The following TEX13D variants were observed in gnomAD, a reference collection of about 807,000 sequenced individuals.
TEX13D encodes testis-expressed protein 13D.
For missense variants in TEX13D, 261 were observed against 265.8 expected (o/e 0.98, Z 0.12); for synonymous variants, 115 against 104.5 (o/e 1.10, Z -0.61).
chrX:124,332,892 A>G lies in TEX13D; in HGVS notation c.-26A>G. 2.9e-6 allele frequency: 1 copy of G among 347,362 alleles called. No homozygotes were observed. Among genetic ancestry groups the G allele is most frequent in the Non-Finnish European group, 5.0e-6 (1 of 200,098 alleles). The allele number at this position is 347,362 out of a possible 1,213,427, so 28.6% of individuals were successfully genotyped here. A position where few individuals can be genotyped will look rare whatever the true frequency, so the allele number is the denominator to read the frequency against. On this transcript the variant is annotated 5_prime_UTR_variant, in exon 1 of 1. Transcript: ENST00000632372. ...CAGCTGAGGCGACGCACCGTGAGGC[A>G]GCTGCTTGACTAGGCCACAGCCGCC...
rs2059970573 is a variant in TEX13D at position 124,334,908 on chromosome X, C to T, written c.1991C>T (p.Ser664Leu). 6.4e-6 allele frequency: 6 copies of T among 938,842 alleles called. No individual in the cohort carries two copies. Among genetic ancestry groups the T allele is most frequent in the Non-Finnish European group, 1.3e-6 (1 of 756,450 alleles). 77.4% of individuals were successfully genotyped at this position (938,842 alleles called of 1,213,427 possible). A position where few individuals can be genotyped will look rare whatever the true frequency, so the allele number is the denominator to read the frequency against. ...AAGAAACCAAAAGTGAATAAAGTCT[C>T]GGGATCCCAGCAGCAGGAGAAGCCT... ...KAKKPKVNKV[S>L]GSQQQEKPAS... Residue 664 changes from serine (S) to leucine (L), a missense_variant, in exon 1 of 1, where the codon TCG (serine) becomes TTG (leucine). Ser to Leu is a moderately radical substitution (Grantham distance 145). Transcript: ENST00000632372.
Position 124,335,033 on chromosome X carries a change from C to T in TEX13D, c.2116C>T (p.Pro706Ser). 1 of 937,826 alleles carries T rather than the reference C, an allele frequency of 1.1e-6. No homozygotes were observed. The allele number at this position is 937,826 out of a possible 1,213,427, so 77.3% of individuals were successfully genotyped here. A position where few individuals can be genotyped will look rare whatever the true frequency, so the allele number is the denominator to read the frequency against. ...ACYKCKKACV[P>S]FESGGQTQ ...CTATAAATGCAAGAAAGCCTGTGTG[C>T]CATTTGAGAGTGGAGGACAAACTCA... is the stretch of plus-strand genomic sequence containing the variant. Residue 706 changes from proline (P) to serine (S), a missense_variant, in exon 1 of 1, where the codon CCA becomes TCA. Coordinates refer to ENST00000632372, the MANE Select transcript of TEX13D (RefSeq NM_001355534.2).
Position 124,334,034 on chromosome X carries a change from C to T in TEX13D, c.1117C>T (p.Gln373Ter). The T allele has an allele frequency of 1.1e-6, 1 of 936,415 alleles. No homozygotes were observed. The highest frequency in any genetic ancestry group is 1.3e-6 in the Non-Finnish European group (1 of 755,439). 77.2% of individuals were successfully genotyped at this position (936,415 alleles called of 1,213,427 possible). A position where few individuals can be genotyped will look rare whatever the true frequency, so the allele number is the denominator to read the frequency against. ...DPLGNRERQN[Q>*]KEGPKRARRM... ...CCTGGGGAACAGAGAGAGACAAAAT[C>T]AGAAAGAAGGTCCAAAGAGGGCCCG... is the stretch of plus-strand genomic sequence containing the variant. The change falls in exon 1 of 1, where the codon CAG (glutamine) becomes TAG (stop). Residue 373 changes from glutamine (Q) to a stop codon, truncating the protein, a stop_gained. Transcript: ENST00000632372. LOFTEE classifies it low-confidence loss of function (END_TRUNC).
rs2059964684 is a variant in TEX13D, at chrX:124,333,022, C to T, written c.105C>T (p.Tyr35=). The T allele has an allele frequency of 4.1e-6, 2 of 485,598 alleles. No individual in the cohort carries two copies. Among genetic ancestry groups the T allele is most frequent in the South Asian group, 5.7e-5 (2 of 35,205 alleles). 40.0% of individuals were successfully genotyped at this position (485,598 alleles called of 1,213,427 possible). Residue 35 remains tyrosine, a synonymous_variant, in exon 1 of 1, where the codon TAC becomes TAT. Coordinates refer to ENST00000632372, the MANE Select transcript of TEX13D (RefSeq NM_001355534.2). ...VLMDGSGPAF[Y]VAFRSRPWNE... Reference sequence around the variant, plus strand: ...TGGACGGCAGCGGCCCAGCCTTTTACGTGGCCTTCCGCTCGCGGCCGTGGA... The same window carrying T: ...TGGACGGCAGCGGCCCAGCCTTTTATGTGGCCTTCCGCTCGCGGCCGTGGA...
Position 124,333,074 on chromosome X carries a change from ATTG to A in TEX13D, c.159_161del (p.Ile53_Val54delinsMet), listed in dbSNP as rs768573831. On this transcript the variant is annotated inframe_deletion, in exon 1 of 1. Coordinates refer to ENST00000632372, the MANE Select transcript of TEX13D (RefSeq NM_001355534.2). Reference sequence around the variant, plus strand: ...CGAGGTAGAGGACAGCCTTCAGGCCATTGTGGCCGACTCTCAGGTGCCGCGCGC... The same window carrying A: ...CGAGGTAGAGGACAGCCTTCAGGCCATGGCCGACTCTCAGGTGCCGCGCGC... 2.1e-6 allele frequency: 1 copy of A among 467,315 alleles called. No individual in the cohort carries two copies. Among genetic ancestry groups the A allele is most frequent in the African/African-American group, 2.4e-5 (1 of 41,752 alleles). The allele number at this position is 467,315 out of a possible 1,213,427, so 38.5% of individuals were successfully genotyped here.
chrX:124,333,563 G>A lies in TEX13D; in HGVS notation c.646G>A (p.Gly216Ser). Residue 216 changes from glycine (G) to serine (S), a missense_variant, in exon 1 of 1, where the codon GGC becomes AGC. Coordinates refer to ENST00000632372, the MANE Select transcript of TEX13D (RefSeq NM_001355534.2). ...VPGPLSPWAQ[G>S]MQPPLPVPHP... ...AGGACCTCTGAGTCCCTGGGCCCAG[G>A]GCATGCAACCCCCTCTGCCAGTGCC... 3.3e-6 allele frequency: 1 copy of A among 299,057 alleles called. No individual in the cohort carries two copies. Among genetic ancestry groups the A allele is most frequent in the East Asian group, 4.8e-5 (1 of 21,026 alleles). 24.6% of individuals were successfully genotyped at this position (299,057 alleles called of 1,213,427 possible). A position where few individuals can be genotyped will look rare whatever the true frequency, so the allele number is the denominator to read the frequency against.
Position 124,335,216 on chromosome X carries a change from C to T in TEX13D, c.*154C>T. 1 of 371,060 alleles carries T rather than the reference C, an allele frequency of 2.7e-6. No homozygotes were observed. 30.6% of individuals were successfully genotyped at this position (371,060 alleles called of 1,213,427 possible). On this transcript the variant is annotated 3_prime_UTR_variant, in exon 1 of 1. Coordinates refer to ENST00000632372, the MANE Select transcript of TEX13D (RefSeq NM_001355534.2). ...TAAAATAATTTATTATCCCATTACC[C>T]AAATTAGCCATTTTAAAAGTTGTTT...
In TEX13D at chrX:124,336,125, T is replaced by G. The variant is rs16999143; in HGVS notation, c.*1063T>G. On this transcript the variant is annotated 3_prime_UTR_variant, in exon 1 of 1. Transcript: ENST00000632372. ...TAGATCAGGGGTATCTTCTTTGCCT[T>G]GCATGTAGTGTTGCCTTAGGTAAAA... 45,089 of 110,749 alleles carry G rather than the reference T, an allele frequency of 0.41. 7,061 individuals are homozygous for G. Among genetic ancestry groups the G allele is most frequent in the African/African-American group, 0.55 (16,604 of 30,272 alleles). The allele number at this position is 110,749 out of a possible 1,213,427, so 9.1% of individuals were successfully genotyped here. A position where few individuals can be genotyped will look rare whatever the true frequency, so the allele number is the denominator to read the frequency against.
chrX:124,334,866 C>T lies in TEX13D; in HGVS notation c.1949C>T (p.Pro650Leu), dbSNP rs1359211701. Residue 650 changes from proline to leucine, a missense_variant, in exon 1 of 1, where the codon CCT becomes CTT. Physicochemically the swap from Pro to Leu is moderately conservative, Grantham distance 98 (BLOSUM62 -3). Transcript: ENST00000632372. ...GVRESPKKWQ[P>L]QRQKAKKPKV... The stretch of plus-strand genomic sequence containing the variant: ...AGAGAAAGCCCAAAGAAATGGCAAC[C>T]TCAGAGGCAGAAGGCCAAGAAACCA... The T allele has an allele frequency of 3.2e-6, 3 of 938,067 alleles. No individual in the cohort carries two copies. The highest frequency in any genetic ancestry group is 4.1e-5 in the African/African-American group (2 of 49,293). 77.3% of individuals were successfully genotyped at this position (938,067 alleles called of 1,213,427 possible).
In TEX13D at chrX:124,334,931, C is replaced by G. The variant is rs191008762; in HGVS notation, c.2014C>G (p.Pro672Ala). 45 of 937,784 alleles carry G rather than the reference C, an allele frequency of 4.8e-5. No individual in the cohort carries two copies. The East Asian group carries it at 1.8e-3, about 37-fold the overall frequency. The allele number at this position is 937,784 out of a possible 1,213,427, so 77.3% of individuals were successfully genotyped here. The change falls in exon 1 of 1, where the codon CCT (proline) becomes GCT (alanine). Residue 672 changes from proline to alanine, a missense_variant. Pro to Ala is a conservative substitution (Grantham distance 27). Transcript: ENST00000632372. The part of the protein sequence containing the change: ...KVSGSQQQEK[P>A]ASFPVPVNWK... The stretch of plus-strand genomic sequence containing the variant: ...CTCGGGATCCCAGCAGCAGGAGAAG[C>G]CTGCCTCATTTCCAGTTCCAGTGAA...
At position 124,335,845 on chromosome X, in the gene TEX13D, A is replaced by T. The variant is rs1285223992; in HGVS notation, c.*783A>T. On this transcript the variant is annotated 3_prime_UTR_variant, in exon 1 of 1. Transcript: ENST00000632372. ...AGATGATTTGACACTCATTGGGGGA[A>T]AAGGAAGAGCAGAATTGTTTTGTTA... 2.7e-5 allele frequency: 3 copies of T among 112,308 alleles called. No individual in the cohort carries two copies. Among genetic ancestry groups the T allele is most frequent in the African/African-American group, 9.7e-5 (3 of 30,866 alleles). The allele number at this position is 112,308 out of a possible 1,213,427, so 9.3% of individuals were successfully genotyped here.
Position 124,333,271 on chromosome X carries a change from TGAGGTG to T in TEX13D, c.356_361del (p.Glu119_Val120del). On this transcript the variant is annotated inframe_deletion, in exon 1 of 1. Coordinates refer to ENST00000632372, the MANE Select transcript of TEX13D (RefSeq NM_001355534.2). ...AGCTGCAGCAGCTGCGCCTGGAGCA[TGAGGTG>T]GCGGCAACACAGCTGCACCTCGCGC... 2 of 441,152 alleles carry T rather than the reference TGAGGTG, an allele frequency of 4.5e-6. No individual in the cohort carries two copies. The highest frequency in any genetic ancestry group is 7.1e-5 in the South Asian group (2 of 28,330). The allele number at this position is 441,152 out of a possible 1,213,427, so 36.4% of individuals were successfully genotyped here. A position where few individuals can be genotyped will look rare whatever the true frequency, so the allele number is the denominator to read the frequency against.
At position 124,333,595 on chromosome X, in the gene TEX13D, A is replaced by T; in HGVS notation, c.678A>T (p.Pro226=). ...GMQPPLPVPH[P]FPHPPPFPMK... ...AACCCCCTCTGCCAGTGCCACATCC[A>T]TTCCCACACCCACCACCATTCCCAA... The change falls in exon 1 of 1, where the codon CCA becomes CCT. Residue 226 remains proline (P), a synonymous_variant. Transcript: ENST00000632372. The T allele has an allele frequency of 3.4e-6, 1 of 297,828 alleles. No homozygotes were observed. The highest frequency in any genetic ancestry group is 4.8e-5 in the East Asian group (1 of 20,996). 24.5% of individuals were successfully genotyped at this position (297,828 alleles called of 1,213,427 possible).
In TEX13D at chrX:124,334,873, G is replaced by A. The variant is rs962390003; in HGVS notation, c.1956G>A (p.Arg652=). 65 of 938,185 alleles carry A rather than the reference G, an allele frequency of 6.9e-5. 1 individual carries two copies. In the South Asian group the frequency reaches 1.0e-3, roughly 14 times the overall value. The allele number at this position is 938,185 out of a possible 1,213,427, so 77.3% of individuals were successfully genotyped here. A position where few individuals can be genotyped will look rare whatever the true frequency, so the allele number is the denominator to read the frequency against. Residue 652 remains arginine (R), a synonymous_variant, in exon 1 of 1, where the codon AGG becomes AGA. Transcript: ENST00000632372. ...GCCCAAAGAAATGGCAACCTCAGAG[G>A]CAGAAGGCCAAGAAACCAAAAGTGA... The part of the protein sequence containing the change: ...RESPKKWQPQ[R]QKAKKPKVNK...
chrX:124,334,020 G>A lies in TEX13D; in HGVS notation c.1103G>A (p.Arg368Lys). ...CAGGGGATGGATCCCCTGGGGAACA[G>A]AGAGAGACAAAATCAGAAAGAAGGT... Reference protein sequence around the residue: ...GPQGMDPLGNRERQNQKEGPK... With the variant: ...GPQGMDPLGNKERQNQKEGPK... Residue 368 changes from arginine (R) to lysine (K), a missense_variant, in exon 1 of 1, where the codon AGA (arginine) becomes AAA (lysine). Physicochemically the swap from Arg to Lys is conservative, Grantham distance 26 (BLOSUM62 2). Coordinates refer to ENST00000632372, the MANE Select transcript of TEX13D (RefSeq NM_001355534.2). 1 of 936,429 alleles carries A rather than the reference G, an allele frequency of 1.1e-6. No homozygotes were observed. The allele number at this position is 936,429 out of a possible 1,213,427, so 77.2% of individuals were successfully genotyped here. A position where few individuals can be genotyped will look rare whatever the true frequency, so the allele number is the denominator to read the frequency against.
rs2059968598 is a variant in TEX13D, at chrX:124,334,240, C to T, written c.1323C>T (p.Pro441=). The change falls in exon 1 of 1, where the codon CCC becomes CCT. Residue 441 remains proline, a synonymous_variant. Coordinates refer to ENST00000632372, the MANE Select transcript of TEX13D (RefSeq NM_001355534.2). ...GCAAACCAGAAGGTCCAAAGAGGCC[C>T]CAGTGGACTGTCCCCCTGGGGGACA... ...RRCKPEGPKR[P]QWTVPLGDSR... 3.2e-6 allele frequency: 3 copies of T among 924,404 alleles called. No individual in the cohort carries two copies. In the Admixed American group the frequency reaches 1.9e-4, roughly 57 times the overall value. The allele number at this position is 924,404 out of a possible 1,213,427, so 76.2% of individuals were successfully genotyped here.
chrX:124,333,739 G>A lies in TEX13D; in HGVS notation c.822G>A (p.Val274=). The A allele has an allele frequency of 3.4e-6, 1 of 297,921 alleles. No homozygotes were observed. Among genetic ancestry groups the A allele is most frequent in the East Asian group, 4.8e-5 (1 of 21,052 alleles). The allele number at this position is 297,921 out of a possible 1,213,427, so 24.6% of individuals were successfully genotyped here. A position where few individuals can be genotyped will look rare whatever the true frequency, so the allele number is the denominator to read the frequency against. Residue 274 remains valine (V), a synonymous_variant, in exon 1 of 1, where the codon GTG becomes GTA. Coordinates refer to ENST00000632372, the MANE Select transcript of TEX13D (RefSeq NM_001355534.2). ...EIHPPCPWPA[V]GFQEEMAPLW... ...ACCCACCTTGCCCGTGGCCTGCAGT[G>A]GGCTTCCAGGAGGAGATGGCCCCTC...
chrX:124,333,300 C>A lies in TEX13D; in HGVS notation c.383C>A (p.Ala128Glu). The A allele has an allele frequency of 2.4e-6, 1 of 419,903 alleles. No homozygotes were observed. The highest frequency in any genetic ancestry group is 4.1e-6 in the Non-Finnish European group (1 of 243,812). 34.6% of individuals were successfully genotyped at this position (419,903 alleles called of 1,213,427 possible). A position where few individuals can be genotyped will look rare whatever the true frequency, so the allele number is the denominator to read the frequency against. Residue 128 changes from alanine (A) to glutamate (E), a missense_variant, in exon 1 of 1, where the codon GCG becomes GAG. By Grantham distance (107) the Ala-to-Glu change is moderately radical. Coordinates refer to ENST00000632372, the MANE Select transcript of TEX13D (RefSeq NM_001355534.2). ...GTGGCGGCAACACAGCTGCACCTCGCGCAGGCTGCCCTGCAGCAGGCGCTG... is the reference window on the plus strand; with the variant it reads ...GTGGCGGCAACACAGCTGCACCTCGAGCAGGCTGCCCTGCAGCAGGCGCTG... ...HEVAATQLHL[A>E]QAALQQALNE... is the part of the protein sequence containing the mutation.
At position 124,332,689 on chromosome X, in the gene TEX13D, G is replaced by C. The variant is rs6649195; in HGVS notation, c.-229G>C. ...TTTCTCTGTGACATGTCGCGGAGTC[G>C]CCGGTAGGGTTCGGTGTGGCGAGGG... On this transcript the variant is annotated 5_prime_UTR_variant, in exon 1 of 1. Coordinates refer to ENST00000632372, the MANE Select transcript of TEX13D (RefSeq NM_001355534.2). The C allele has an allele frequency of 0.27, 67,352 of 251,383 alleles. 6,714 individuals are homozygous for C. Among genetic ancestry groups the C allele is most frequent in the Middle Eastern group, 0.4 (361 of 912 alleles). The allele number at this position is 251,383 out of a possible 1,213,427, so 20.7% of individuals were successfully genotyped here. A position where few individuals can be genotyped will look rare whatever the true frequency, so the allele number is the denominator to read the frequency against.
Sources: gnomAD v4.1 joint callset for allele counts on GRCh38, gnomAD v4.1.1 for gene constraint, MANE v1.5 for transcripts, NCBI Gene and HGNC (gene_info 2026-07-23, HGNC 2026-07-21) for gene names.